The following CDH8 variants were observed in gnomAD, a reference collection of about 807,000 sequenced individuals.
CDH8 encodes cadherin 8, also known as cadherin-8.
In CDH8, 17 loss-of-function variants were observed where a neutral mutation model predicts 68.1. The observed-to-expected ratio is 0.25, with a 90% confidence interval of 0.17 to 0.37. The LOEUF is 0.37. Ranked by LOEUF, CDH8 falls within the 10% of genes least tolerant of loss-of-function variation. The probability of loss-of-function intolerance (pLI) is 1.00; values close to 1 mark genes in which losing one functional copy is unlikely to be tolerated. For missense variants in CDH8, 763 were observed against 999.3 expected, an observed-to-expected ratio of 0.76 and a Z score of 3.19; for synonymous variants, 372 against 365.1, an observed-to-expected ratio of 1.02 and a Z score of -0.21.
At chr16:61,893,534 C>T (rs544489272) in intron 3 of CDH8, among the ~76,000 whole-genome samples, 1 of 151,904 alleles carries the variant, frequency 6.6e-6, no homozygotes, top group African/African-American at 2.4e-5. Context: ...CAACTAATGC[C>T]CAGACTTTCA....
chr16:61,738,023 G>T (rs1019330498), intron 8 of CDH8, among the ~76,000 whole-genome samples: 3 of 151,908 alleles, frequency 2.0e-5, no homozygotes, highest in Non-Finnish European at 4.4e-5. Context: ...ATCAAATTGG[G>T]GCTTTAGTGT....
intron 7 of CDH8, among the ~76,000 whole-genome samples, chr16:61,801,315 T>C (rs1961622907): frequency 6.6e-6 from 1 of 152,188 alleles, no homozygotes; most frequent in Admixed American, 6.6e-5. Flanking sequence ...ACTATGAGGT[T>C]TGCATCTCAA....
chr16:61,832,058 A>G (rs997140765), intron 4 of CDH8, among the ~76,000 whole-genome samples: 5 of 151,716 alleles, frequency 3.3e-5, no homozygotes, highest in Non-Finnish European at 5.9e-5. Flanking sequence ...TAGCTATGTG[A>G]TTTATACTAC....
chr16:61,768,384 C>T (rs199580844), intron 8 of CDH8, among the ~76,000 whole-genome samples: 4 of 91,412 alleles, frequency 4.4e-5, no homozygotes, highest in Non-Finnish European at 6.6e-5. Flanking sequence ...CTCTCTCTCT[C>T]TCTCTCTCTC....
chr16:61,885,563 C>G (rs1448426538), intron 3 of CDH8, among the ~76,000 whole-genome samples: 4 of 152,130 alleles, frequency 2.6e-5, no homozygotes, highest in Non-Finnish European at 5.9e-5. Flanking sequence ...CAGAGCAGCT[C>G]TTAAGACGGA....
intron 8 of CDH8, among the ~76,000 whole-genome samples, chr16:61,755,978 G>A (rs1018744188): frequency 6.6e-6 from 1 of 151,866 alleles, no homozygotes; most frequent in Non-Finnish European, 1.5e-5. Flanking sequence ...ATACAACCAC[G>A]CCTGGCTAAT....
intron 3 of CDH8, among the ~76,000 whole-genome samples, chr16:61,860,726 A>G (rs1349976103): frequency 1.3e-5 from 2 of 152,178 alleles, no homozygotes; most frequent in Non-Finnish European, 2.9e-5. Flanking sequence ...GTAATCGAAA[A>G]AGAAAAGTGA....
At chr16:61,862,293 A>G (rs1963165187) in intron 3 of CDH8, among the ~76,000 whole-genome samples, 1 of 152,188 alleles carries the variant, frequency 6.6e-6, no homozygotes, top group Admixed American at 6.6e-5. Flanking sequence ...TGTACTATGT[A>G]AAAGCTTATA....
intron 2 of CDH8, among the ~76,000 whole-genome samples, chr16:62,002,467 A>G (rs2408008): frequency 0.52 from 79,552 of 151,950 alleles, 21,891 homozygotes; most frequent in East Asian, 0.72. Context: ...ACATGAGTGT[A>G]TACCTCATAT....
chr16:61,661,510 C>G (rs968305080), intron 10 of CDH8, among the ~76,000 whole-genome samples: 1 of 151,276 alleles, frequency 6.6e-6, no homozygotes, highest in Non-Finnish European at 1.5e-5. Context: ...AAGAAGAAAG[C>G]AAAAGGGAAA....
chr16:61,717,410 G>C (rs1167101449), intron 9 of CDH8, among the ~76,000 whole-genome samples: 3 of 151,442 alleles, frequency 2.0e-5, no homozygotes, highest in African/African-American at 7.3e-5. Context: ...CATGAAACTA[G>C]AAAACAATTG....
At chr16:61,911,948 A>C (rs1964169672) in intron 2 of CDH8, among the ~76,000 whole-genome samples, 1 of 152,148 alleles carries the variant, frequency 6.6e-6, no homozygotes, top group Non-Finnish European at 1.5e-5. Context: ...TGAAATCCTG[A>C]CAGAATGTTA....
rs1039068798 is a variant in CDH8, at chr16:62,034,217, A to ACACACACACGCG, written c.-200+1862_-200+1863insCGCGTGTGTGTG. Among the ~76,000 whole-genome samples, 1,163 of 151,456 alleles carry ACACACACACGCG rather than the reference A, an allele frequency of 7.7e-3. 13 individuals carry two copies. Among genetic ancestry groups the ACACACACACGCG allele is most frequent in the African/African-American group, 0.026 (1,078 of 41,172 alleles). The stretch of plus-strand genomic sequence containing the variant: ...AACACACACACACACACACACACAC[A>ACACACACACGCG]CGCACACGAAGAAATCCCTGCAACA... On this transcript the variant is annotated intron_variant, in intron 1 of 11. Coordinates refer to ENST00000577390, the MANE Select transcript of CDH8 (RefSeq NM_001796.5).
At chr16:61,659,836 A>C (rs1963521981) in intron 10 of CDH8, among the ~76,000 whole-genome samples, 1 of 152,170 alleles carries the variant, frequency 6.6e-6, no homozygotes, top group Admixed American at 6.5e-5. Context: ...TTGGGTCAGA[A>C]CTAATCTGAA....
At chr16:61,749,019 G>T (rs1319372276) in intron 8 of CDH8, among the ~76,000 whole-genome samples, 1 of 152,058 alleles carries the variant, frequency 6.6e-6, no homozygotes, top group Non-Finnish European at 1.5e-5. Context: ...TAACAAATGA[G>T]CTTACTGAAT....
intron 8 of CDH8, among the ~76,000 whole-genome samples, chr16:61,745,308 A>G (rs1158940021): frequency 6.6e-6 from 1 of 151,662 alleles, no homozygotes; most frequent in Non-Finnish European, 1.5e-5. Flanking sequence ...ATTTTTAGCA[A>G]TGTTACTATG....
chr16:61,975,839 G>A (rs925959438), intron 2 of CDH8, among the ~76,000 whole-genome samples: 3 of 152,090 alleles, frequency 2.0e-5, no homozygotes, highest in Admixed American at 2.0e-4. Context: ...GTAAGTGGAA[G>A]GACAAAAACA....
At chr16:61,846,588 G>GT (rs1410709900) in intron 4 of CDH8, among the ~76,000 whole-genome samples, 2 of 152,126 alleles carry the variant, frequency 1.3e-5, no homozygotes, top group East Asian at 1.9e-4. Context: ...AGGTGGAAAT[G>GT]TGACAGAAGT....
At chr16:61,984,720 A>C (rs1024151130) in intron 2 of CDH8, among the ~76,000 whole-genome samples, 2 of 152,140 alleles carry the variant, frequency 1.3e-5, no homozygotes, top group Non-Finnish European at 2.9e-5. Flanking sequence ...TTCATTTTAA[A>C]GTTTATATTA....
Sources: allele counts gnomAD v4.1 joint callset (sites outside exome capture counted in the v4.1 genomes callset), GRCh38; gene constraint gnomAD v4.1.1; transcripts MANE v1.5; gene names NCBI Gene and HGNC (gene_info 2026-07-23, HGNC 2026-07-21).